Variants in LHX4 observed in about 807,000 individuals in gnomAD.
LHX4 encodes LIM/homeobox protein Lhx4.
Under a neutral mutation model 39.2 loss-of-function variants are expected in LHX4, and 16 were observed. The ratio of observed to expected loss-of-function variants is 0.41; its 90% CI spans 0.28 to 0.62. The LOEUF (loss-of-function observed/expected upper bound fraction) is 0.62. Ranked by LOEUF, LHX4 falls within the 20% of genes least tolerant of loss-of-function variation. The pLI, the probability that LHX4 is intolerant of heterozygous loss-of-function variation, is 0.33. For synonymous variants in LHX4, 206 were observed against 198.1 expected (o/e 1.04, Z -0.33); for missense variants, 439 against 511.9 (o/e 0.86, Z 1.37).
At chr1:180,229,529 G>C (rs1004053908), upstream of LHX4, among the ~76,000 whole-genome samples, 29 of 152,262 alleles carry the variant, frequency 1.9e-4, no homozygotes, top group African/African-American at 6.7e-4. Flanking sequence ...GGCCGAGTAC[G>C]GGCTGTCCCT....
At chr1:180,228,393 T>C (rs80318504), upstream of LHX4, among the ~76,000 whole-genome samples, 12,862 of 152,246 alleles carry the variant, frequency 0.084, 743 homozygotes, top group South Asian at 0.18. Flanking sequence ...CCCAGCAGTA[T>C]TGGTGAGTGT....
intron 1 of LHX4, among the ~76,000 whole-genome samples, chr1:180,238,677 G>A (rs1042153099): frequency 4.6e-5 from 7 of 152,128 alleles, no homozygotes; most frequent in Non-Finnish European, 1.0e-4. Flanking sequence ...ATTATTACTA[G>A]GTTGTGAAAA....
chr1:180,240,908 CGTT>C (rs1411781506), intron 1 of LHX4, among the ~76,000 whole-genome samples: 1 of 152,152 alleles, frequency 6.6e-6, no homozygotes, highest in Non-Finnish European at 1.5e-5. Flanking sequence ...CTGGCTATCA[CGTT>C]GTGAGTTTTA....
At chr1:180,253,876 C>CT (rs912851664) in intron 2 of LHX4, among the ~76,000 whole-genome samples, 44 of 152,202 alleles carry the variant, frequency 2.9e-4, no homozygotes, top group Non-Finnish European at 4.0e-4. Context: ...GGAGATGACT[C>CT]TTAACTGCCT....
At chr1:180,254,814 T>A (rs558396902) in intron 2 of LHX4, among the ~76,000 whole-genome samples, 25 of 152,306 alleles carry the variant, frequency 1.6e-4, no homozygotes, top group African/African-American at 5.8e-4. Context: ...CTGTGAGGAC[T>A]GAGTCAGAAG....
chr1:180,274,655 T>C lies in LHX4; in HGVS notation c.*76T>C. On this transcript the variant is annotated 3_prime_UTR_variant, in exon 6 of 6. Transcript: ENST00000263726. ...CAAGGATCAAAAGAGACTTGCCTTT[T>C]AAGGATCGAAAGTACGCCAATGTGA... The C allele has an allele frequency of 2.1e-6, 3 of 1,456,418 alleles. No homozygotes were observed. Among genetic ancestry groups the C allele is most frequent in the Non-Finnish European group, 2.7e-6 (3 of 1,093,404 alleles). The allele number at this position is 1,456,418 out of a possible 1,614,324, so 90.2% of individuals were successfully genotyped here. A position where few individuals can be genotyped will look rare whatever the true frequency, so the allele number is the denominator to read the frequency against.
chr1:180,259,258 A>G (rs917499155), intron 2 of LHX4, among the ~76,000 whole-genome samples: 1 of 152,126 alleles, frequency 6.6e-6, no homozygotes, highest in African/African-American at 2.4e-5. Flanking sequence ...CTGGTTGGGT[A>G]GGGCACTGCC....
chr1:180,264,305 T>C (rs542430398), intron 2 of LHX4, among the ~76,000 whole-genome samples: 2 of 152,174 alleles, frequency 1.3e-5, no homozygotes, highest in Non-Finnish European at 2.9e-5. Flanking sequence ...GGATATTAAA[T>C]ATACAGGCCT....
At chr1:180,246,647 G>T (rs911488206) in intron 1 of LHX4, among the ~76,000 whole-genome samples, 1 of 152,134 alleles carries the variant, frequency 6.6e-6, no homozygotes, top group African/African-American at 2.4e-5. Context: ...GGAGGTGAAG[G>T]TTACACTGAG....
intron 2 of LHX4, among the ~76,000 whole-genome samples, chr1:180,263,530 G>A (rs573541104): frequency 6.6e-6 from 1 of 152,316 alleles, no homozygotes; most frequent in African/African-American, 2.4e-5. Flanking sequence ...GGGTCCCGCT[G>A]GCTGTGCTCC....
At chr1:180,259,977 T>G (rs1648039037) in intron 2 of LHX4, among the ~76,000 whole-genome samples, 1 of 151,370 alleles carries the variant, frequency 6.6e-6, no homozygotes, top group Admixed American at 6.6e-5. Context: ...GGCCACAGCC[T>G]TCAGGAGGTC....
chr1:180,262,300 A>AAAG (rs1648141452), intron 2 of LHX4, among the ~76,000 whole-genome samples: 1 of 135,172 alleles, frequency 7.4e-6, no homozygotes, highest in Non-Finnish European at 1.6e-5. Context: ...AAAAAAAAAA[A>AAAG]GGAAAAACAG....
rs78141698 is a variant in LHX4, at chr1:180,232,231, A to G, written c.76+1626A>G. 0.084 allele frequency among the ~76,000 whole-genome samples: 12,840 copies of G among 152,138 alleles called. 740 individuals carry two copies. Among genetic ancestry groups the G allele is most frequent in the South Asian group, 0.18 (847 of 4,814 alleles). The stretch of plus-strand genomic sequence containing the variant: ...GGGGGAAGGGTGTGTGTGTGTTACT[A>G]GTGTCCTTGGTACCCAGTACGTCTG... On this transcript the variant is annotated intron_variant, in intron 1 of 5. Transcript: ENST00000263726. The surrounding 1 kb of genome is among the most constrained non-coding windows in gnomAD (Gnocchi z 5.4).
At chr1:180,236,592 T>C (rs1571256544) in intron 1 of LHX4, among the ~76,000 whole-genome samples, 1 of 152,226 alleles carries the variant, frequency 6.6e-6, no homozygotes, top group East Asian at 1.9e-4. Flanking sequence ...TTTGAGCTTC[T>C]TGTTTTGGAC....
chr1:180,231,639 C>T (rs969751039), intron 1 of LHX4, among the ~76,000 whole-genome samples: 1 of 151,526 alleles, frequency 6.6e-6, no homozygotes, highest in Non-Finnish European at 1.5e-5. Flanking sequence ...CCCCGGGCAC[C>T]CTGGAGAGAC....
At chr1:180,260,833 G>A (rs1411572257) in intron 2 of LHX4, among the ~76,000 whole-genome samples, 3 of 151,928 alleles carry the variant, frequency 2.0e-5, no homozygotes, top group African/African-American at 4.9e-5. Context: ...CTTGAAGCCC[G>A]CCGCATGTCC....
At chr1:180,253,833 G>T (rs1647730371) in intron 2 of LHX4, among the ~76,000 whole-genome samples, 2 of 152,152 alleles carry the variant, frequency 1.3e-5, no homozygotes, top group Non-Finnish European at 2.9e-5. Context: ...GGCTTTCCTG[G>T]TCTCCCCTGT....
Position 180,274,609 on chromosome 1 carries a change from C to T in LHX4, c.*30C>T, listed in dbSNP as rs771166162. On this transcript the variant is annotated 3_prime_UTR_variant, in exon 6 of 6. Coordinates refer to ENST00000263726, the MANE Select transcript of LHX4 (RefSeq NM_033343.4). ...CTCTCCTCCCCACCCTACCTGCCCC[C>T]CTGGCTTGAGAGAATATCTTCAAGG... is the stretch of plus-strand genomic sequence containing the variant. The T allele has an allele frequency of 3.9e-6, 6 of 1,527,992 alleles. No homozygotes were observed. The highest frequency in any genetic ancestry group is 3.5e-6 in the Non-Finnish European group (4 of 1,141,584). 94.7% of individuals were successfully genotyped at this position (1,527,992 alleles called of 1,614,324 possible). A position where few individuals can be genotyped will look rare whatever the true frequency, so the allele number is the denominator to read the frequency against.
rs981640831 is a variant in LHX4 at position 180,235,022 on chromosome 1, C to A, written c.76+4417C>A. ...TGGGCACTCGCCCGGGAATCCCGGG[C>A]GTGCTCTGGGTTTTGGGGGACTCGC... On this transcript the variant is annotated intron_variant, in intron 1 of 5. Transcript: ENST00000263726. 7.9e-5 allele frequency among the ~76,000 whole-genome samples: 12 copies of A among 152,330 alleles called. No homozygotes were observed. The East Asian group carries it at 1.9e-3, about 25-fold the overall frequency.
Sources: allele counts gnomAD v4.1 joint callset (sites outside exome capture counted in the v4.1 genomes callset), GRCh38; gene constraint gnomAD v4.1.1; non-coding constraint Gnocchi (gnomAD v3.1); transcripts MANE v1.5; gene names NCBI Gene and HGNC (gene_info 2026-07-23, HGNC 2026-07-21).